Variants in CIMAP1D observed in about 807,000 individuals in gnomAD.
CIMAP1D encodes protein CIMAP1D.
the CIMAP1D span, among the ~76,000 whole-genome samples, chr19:488,716 C>T: frequency 3.9e-5 from 6 of 152,188 alleles, no homozygotes; most frequent in Admixed American, 3.9e-4. Context: ...GGCCCTGCGG[C>T]CCCGACCCCC....
the CIMAP1D span, among the ~76,000 whole-genome samples, chr19:480,285 G>C: frequency 6.6e-6 from 1 of 152,224 alleles, no homozygotes; most frequent in Non-Finnish European, 1.5e-5. Context: ...GGTCCTGCAC[G>C]GCCTGTGGAC....
the CIMAP1D span, chr19:472,359 A>G: frequency 9.0e-5 from 112 of 1,242,898 alleles, no homozygotes; most frequent in Non-Finnish European, 1.2e-4. Context: ...TTGGAGGATC[A>G]GGGAAGCCTC....
chr19:484,693 C>T, the CIMAP1D span, among the ~76,000 whole-genome samples: 1 of 152,158 alleles, frequency 6.6e-6, no homozygotes, highest in South Asian at 2.1e-4. Flanking sequence ...CAGGACCGCA[C>T]CTGGCGAGGC....
At chr19:486,532 G>T in the CIMAP1D span, among the ~76,000 whole-genome samples, 1 of 151,914 alleles carries the variant, frequency 6.6e-6, no homozygotes, top group Non-Finnish European at 1.5e-5. Context: ...CCTCCGCCTG[G>T]TGGGTTCAGG....
At chr19:481,438 G>A in the CIMAP1D span, among the ~76,000 whole-genome samples, 100 of 103,530 alleles carry the variant, frequency 9.7e-4, 9 homozygotes, top group African/African-American at 4.3e-3. Flanking sequence ...AGGATGATGG[G>A]GAAGGATGAT....
chr19:468,975 G>A, the CIMAP1D span, among the ~76,000 whole-genome samples: 1 of 151,600 alleles, frequency 6.6e-6, no homozygotes, highest in African/African-American at 2.4e-5. Flanking sequence ...GCCCTCCCCT[G>A]AGGAGTCCGT....
At chr19:489,366 G>C in the CIMAP1D span, 2 of 141,134 alleles carry the variant, frequency 1.4e-5, no homozygotes, top group Non-Finnish European at 3.1e-5. Context: ...CCTCTGACCC[G>C]CCCTCGCAGC....
chr19:485,647 G>A, the CIMAP1D span, among the ~76,000 whole-genome samples: 1 of 152,218 alleles, frequency 6.6e-6, no homozygotes, highest in Non-Finnish European at 1.5e-5. Context: ...GAGGGCAGGT[G>A]TGAGCCACGG....
the CIMAP1D span, among the ~76,000 whole-genome samples, chr19:471,235 G>T: frequency 6.6e-6 from 1 of 150,604 alleles, no homozygotes; most frequent in East Asian, 2.0e-4. Flanking sequence ...TGCAGCATCT[G>T]CCTCCCGGGT....
chr19:488,485 G>T, the CIMAP1D span, among the ~76,000 whole-genome samples: 2 of 152,250 alleles, frequency 1.3e-5, no homozygotes, highest in Non-Finnish European at 2.9e-5. Flanking sequence ...TGGCGCCACT[G>T]CACTCCAGCC....
the CIMAP1D span, among the ~76,000 whole-genome samples, chr19:481,898 C>T: frequency 6.6e-6 from 1 of 151,040 alleles, no homozygotes; most frequent in Admixed American, 6.6e-5. Flanking sequence ...ACTTCAGCCT[C>T]TGGAGTAGCT....
At chr19:488,529 TAAC>T in the CIMAP1D span, among the ~76,000 whole-genome samples, 2 of 152,128 alleles carry the variant, frequency 1.3e-5, no homozygotes, top group African/African-American at 2.4e-5. Flanking sequence ...CTCAAAAAAA[TAAC>T]AAGTAAATCA....
chr19:471,957 A>C, the CIMAP1D span, among the ~76,000 whole-genome samples: 1 of 152,212 alleles, frequency 6.6e-6, no homozygotes, highest in East Asian at 1.9e-4. Flanking sequence ...TGCGTTAGCC[A>C]GGATGGTCCC....
At chr19:465,437 G>A in the CIMAP1D span, among the ~76,000 whole-genome samples, 2 of 128,088 alleles carry the variant, frequency 1.6e-5, no homozygotes, top group Non-Finnish European at 3.3e-5. Context: ...GTGAGTAGAT[G>A]GTTGGATGGA....
the CIMAP1D span, among the ~76,000 whole-genome samples, chr19:480,363 A>C: frequency 6.6e-6 from 1 of 152,246 alleles, no homozygotes; most frequent in Admixed American, 6.5e-5. Context: ...CCCTCTGGTG[A>C]CATCTGGGAG....
chr19:472,413 G>C, the CIMAP1D span: 2 of 1,540,280 alleles, frequency 1.3e-6, no homozygotes, highest in South Asian at 1.2e-5. Context: ...GCCTCCGGAC[G>C]AGCGAGTAGG....
the CIMAP1D span, chr19:489,749 C>A: frequency 5.9e-6 from 2 of 337,780 alleles, no homozygotes; most frequent in Non-Finnish European, 1.1e-5. Context: ...GGGAGAACCA[C>A]CCTCCCAACC....
At chr19:481,412 G>GGAAGGATGATGGA in the CIMAP1D span, among the ~76,000 whole-genome samples, 2,557 of 92,218 alleles carry the variant, frequency 0.028, 307 homozygotes, top group African/African-American at 0.17. Context: ...AAGGATGATG[G>GGAAGGATGATGGA]GAAGGATGAT....
chr19:467,401 C>T, the CIMAP1D span, among the ~76,000 whole-genome samples: 1 of 152,036 alleles, frequency 6.6e-6, no homozygotes, highest in African/African-American at 2.4e-5. Flanking sequence ...GACACCTAGG[C>T]CAGCTGCCTC....
Sources: gnomAD v4.1 joint callset for allele counts (sites outside exome capture counted in the v4.1 genomes callset) on GRCh38, gnomAD v4.1.1 for gene constraint, MANE v1.5 for transcripts, NCBI Gene and HGNC (gene_info 2026-07-23, HGNC 2026-07-21) for gene names.